PRUNE2: variants seen among roughly 807,000 people sequenced by gnomAD.
PRUNE2 encodes the protein protein prune homolog 2.
Under a neutral mutation model 252.0 loss-of-function variants are expected in PRUNE2, and 164 were observed. The ratio of observed to expected loss-of-function variants is 0.65; its 90% CI spans 0.57 to 0.74. PRUNE2 has a LOEUF of 0.74. PRUNE2 is among the 30% of genes least tolerant of loss of function. The pLI is 0.00. For synonymous variants in PRUNE2, 1,292 were observed against 1,350.2 expected (o/e 0.96, Z 0.94); for missense variants, 3,495 against 3,711.0 (o/e 0.94, Z 1.51).
chr9:76,833,769 A>C (rs1235289549), intron 4 of PRUNE2, among the ~76,000 whole-genome samples: 1 of 151,650 alleles, frequency 6.6e-6, no homozygotes, highest in African/African-American at 2.4e-5. Flanking sequence ...CATAAAAAAA[A>C]ATAAATAAAT....
chr9:76,868,136 G>A (rs1208772337), intron 1 of PRUNE2, among the ~76,000 whole-genome samples: 1 of 151,768 alleles, frequency 6.6e-6, no homozygotes, highest in Admixed American at 6.6e-5. Context: ...TTTATTAACT[G>A]TTTCCTGACA....
chr9:76,634,873 T>G (rs1472523079), intron 15 of PRUNE2, among the ~76,000 whole-genome samples: 1 of 152,226 alleles, frequency 6.6e-6, no homozygotes, highest in East Asian at 1.9e-4. Context: ...TTAAACTTTT[T>G]GAAAGCTTAT....
chr9:76,696,109 C>A (rs1468515877), intron 9 of PRUNE2, among the ~76,000 whole-genome samples: 1 of 152,114 alleles, frequency 6.6e-6, no homozygotes, highest in Non-Finnish European at 1.5e-5. Flanking sequence ...CAAAATGTCT[C>A]CGACGTCAGC....
At chr9:76,683,201 G>C (rs1348831584) in intron 9 of PRUNE2, among the ~76,000 whole-genome samples, 1 of 152,182 alleles carries the variant, frequency 6.6e-6, no homozygotes, top group Non-Finnish European at 1.5e-5. Context: ...AGAGTGATTG[G>C]TTCCACGAAT....
Position 76,755,064 on chromosome 9 carries a change from T to C in PRUNE2, c.757-41343A>G, listed in dbSNP as rs143479451. ...GCTCTTTTTAATATCATTACTAATT[T>C]ATCTTTTTTATTCATTCGACGATTA... On this transcript the variant is annotated intron_variant, in intron 6 of 18. Transcript: ENST00000376718. 2.6e-5 allele frequency among the ~76,000 whole-genome samples: 4 copies of C among 152,224 alleles called. No individual in the cohort carries two copies. In the East Asian group the frequency reaches 7.7e-4, roughly 29 times the overall value.
chr9:76,690,511 A>T (rs1034937887), intron 9 of PRUNE2, among the ~76,000 whole-genome samples: 8 of 152,232 alleles, frequency 5.3e-5, no homozygotes, highest in Admixed American at 3.3e-4. Flanking sequence ...TTAAAAACTC[A>T]AGAAAGTACT....
chr9:76,691,633 A>C (rs957254435), intron 9 of PRUNE2, among the ~76,000 whole-genome samples: 1 of 152,200 alleles, frequency 6.6e-6, no homozygotes, highest in Non-Finnish European at 1.5e-5. Context: ...ATAACATTTA[A>C]AAAATGCCTC....
chr9:76,698,335 C>A (rs1447149072), intron 9 of PRUNE2, among the ~76,000 whole-genome samples: 2 of 152,290 alleles, frequency 1.3e-5, no homozygotes, highest in Middle Eastern at 3.4e-3. Flanking sequence ...GCGTGAGCCA[C>A]CGTGCCCGGC....
chr9:76,649,452 G>A (rs1484091677), intron 11 of PRUNE2, among the ~76,000 whole-genome samples: 1 of 152,124 alleles, frequency 6.6e-6, no homozygotes, highest in Non-Finnish European at 1.5e-5. Context: ...TGGGTATGGT[G>A]GCACATGCCT....
intron 9 of PRUNE2, among the ~76,000 whole-genome samples, chr9:76,699,377 T>C (rs536380341): frequency 2.0e-5 from 3 of 152,250 alleles, no homozygotes; most frequent in South Asian, 4.2e-4. Context: ...TAGATGTTGT[T>C]GTAAAAGTAT....
intron 9 of PRUNE2, among the ~76,000 whole-genome samples, chr9:76,686,951 G>A (rs2044161299): frequency 2.0e-5 from 3 of 152,138 alleles, no homozygotes; most frequent in Admixed American, 1.3e-4. Flanking sequence ...GTGTTGCCCA[G>A]CCTGGGGTCA....
rs368382769 is a variant in PRUNE2, at chr9:76,776,609, A to G, written c.756+47023T>C. ...GGCTCACTGCAACATCCGCCTCCCG[A>G]GTTCAAGCAATTCTCCTGCCTCAGC... On this transcript the variant is annotated intron_variant, in intron 6 of 18. Transcript: ENST00000376718. Among the ~76,000 whole-genome samples the G allele has an allele frequency of 1.2e-3, 170 of 143,568 alleles. 1 individual carries two copies. Among genetic ancestry groups the G allele is most frequent in the African/African-American group, 4.1e-3 (157 of 37,942 alleles). The allele number at this position is 143,568 out of a possible 152,430, so 94.2% of individuals were successfully genotyped here.
At chr9:76,668,936 C>A (rs2040761633) in intron 9 of PRUNE2, among the ~76,000 whole-genome samples, 1 of 150,404 alleles carries the variant, frequency 6.6e-6, no homozygotes, top group African/African-American at 2.4e-5. Context: ...CTTCTGAGGC[C>A]TCTCTCCTGG....
chr9:76,613,955 A>AT lies in PRUNE2; in HGVS notation c.*614dup, dbSNP rs1308908732. 1 of 152,226 alleles carries AT rather than the reference A, an allele frequency of 6.6e-6. No individual in the cohort carries two copies. Among genetic ancestry groups the AT allele is most frequent in the Non-Finnish European group, 1.5e-5 (1 of 68,042 alleles). The allele number at this position is 152,226 out of a possible 1,614,324, so 9.4% of individuals were successfully genotyped here. A position where few individuals can be genotyped will look rare whatever the true frequency, so the allele number is the denominator to read the frequency against. ...CAATTTACATAAAATATAATGCCCA[A>AT]TTTGACAACTAAAATAAAGTTGACG... On this transcript the variant is annotated 3_prime_UTR_variant, in exon 19 of 19. Coordinates refer to ENST00000376718, the MANE Select transcript of PRUNE2 (RefSeq NM_015225.3).
chr9:76,824,551 A>G (rs1277223843), intron 5 of PRUNE2, among the ~76,000 whole-genome samples: 7 of 152,254 alleles, frequency 4.6e-5, no homozygotes, highest in African/African-American at 1.7e-4. Context: ...TAAATTATCC[A>G]GAACTGCATA....
rs1847006635 is a variant in PRUNE2, at chr9:76,650,588, C to T, written c.8557+1895G>A. ...TTTACAAAATATAGCTATTCAGAGG[C>T]ACTTTGTGTTTTCAAAGTTTCAACC... is the stretch of plus-strand genomic sequence containing the variant. On this transcript the variant is annotated intron_variant, in intron 11 of 18. Transcript: ENST00000376718. Among the ~76,000 whole-genome samples, 3 of 152,168 alleles carry T rather than the reference C, an allele frequency of 2.0e-5. No individual in the cohort carries two copies. The South Asian group carries it at 6.2e-4, about 31-fold the overall frequency.
intron 6 of PRUNE2, among the ~76,000 whole-genome samples, chr9:76,746,758 T>A (rs1475889931): frequency 2.0e-5 from 3 of 147,344 alleles, no homozygotes. Flanking sequence ...AGAGCAGGAT[T>A]TGGGGAGCTT....
intron 6 of PRUNE2, among the ~76,000 whole-genome samples, chr9:76,812,019 A>T (rs776727194): frequency 1.3e-5 from 2 of 152,242 alleles, no homozygotes; most frequent in Non-Finnish European, 2.9e-5. Flanking sequence ...AAAGAGGGGA[A>T]GTGATCAAAC....
intron 12 of PRUNE2, among the ~76,000 whole-genome samples, chr9:76,640,081 T>G (rs1841918019): frequency 1.3e-5 from 2 of 152,214 alleles, no homozygotes; most frequent in African/African-American, 4.8e-5. Flanking sequence ...ACGATTGAAA[T>G]TGATGTCATA....
Sources: allele counts gnomAD v4.1 joint callset (sites outside exome capture counted in the v4.1 genomes callset), GRCh38; gene constraint gnomAD v4.1.1; transcripts MANE v1.5; gene names NCBI Gene and HGNC (gene_info 2026-07-23, HGNC 2026-07-21).